KIT: variants seen among roughly 807,000 people sequenced by gnomAD.
The protein encoded by KIT is KIT proto-oncogene, receptor tyrosine kinase.
In KIT, 16 loss-of-function variants were observed where a neutral mutation model predicts 105.7. That is an observed-to-expected ratio of 0.15 (90% CI 0.10 to 0.23). KIT has a LOEUF of 0.23. Among genes scored for constraint, KIT ranks in the 10% least tolerant of loss-of-function variants. The probability of loss-of-function intolerance (pLI) is 1.00; values close to 1 mark genes in which losing one functional copy is unlikely to be tolerated. For synonymous variants in KIT, 438 were observed against 441.1 expected, an observed-to-expected ratio of 0.99 and a Z score of 0.09; for missense variants, 858 against 1,213.8, an observed-to-expected ratio of 0.71 and a Z score of 4.36.
intron 1 of KIT, among the ~76,000 whole-genome samples, chr4:54,687,111 CA>C (rs2109628486): frequency 6.6e-6 from 1 of 152,230 alleles, no homozygotes; most frequent in East Asian, 1.9e-4. Context: ...TTCTATATTA[CA>C]ATATGTAAAA....
chr4:54,678,374 C>T (rs1369850554), intron 1 of KIT, among the ~76,000 whole-genome samples: 5 of 140,902 alleles, frequency 3.5e-5, no homozygotes, highest in African/African-American at 1.1e-4. Context: ...CCCTCCCTCC[C>T]TCCCCCAATC....
At chr4:54,682,426 TC>T (rs1719005303) in intron 1 of KIT, among the ~76,000 whole-genome samples, 3 of 151,864 alleles carry the variant, frequency 2.0e-5, no homozygotes, top group Non-Finnish European at 4.4e-5. Flanking sequence ...GATTTCTTTG[TC>T]TTTTTTTTCT....
At chr4:54,696,578 G>A (rs1429077503) in intron 2 of KIT, among the ~76,000 whole-genome samples, 1 of 152,214 alleles carries the variant, frequency 6.6e-6, no homozygotes, top group Non-Finnish European at 1.5e-5. Context: ...ATGGTATTGT[G>A]AATGAATAAT....
At chr4:54,707,378 G>A (rs1295951921) in intron 6 of KIT, 91 bp downstream of exon 6, 17 of 912,988 alleles carry the variant, frequency 1.9e-5, no homozygotes, top group East Asian at 5.1e-5. Context: ...GTAAATCCAC[G>A]AGAAGATACC....
intron 7 of KIT, among the ~76,000 whole-genome samples, chr4:54,712,083 T>C (rs1295097080): frequency 6.6e-6 from 1 of 152,196 alleles, no homozygotes; most frequent in East Asian, 1.9e-4. Context: ...ATATTGTTCA[T>C]ACAGAATTTT....
At chr4:54,717,357 T>C (rs1360708435) in intron 7 of KIT, among the ~76,000 whole-genome samples, 2 of 152,170 alleles carry the variant, frequency 1.3e-5, no homozygotes, top group Admixed American at 1.3e-4. Flanking sequence ...GTCTGGTGGA[T>C]GTGTTGCTAA....
At chr4:54,690,227 A>C (rs926415314) in intron 1 of KIT, among the ~76,000 whole-genome samples, 3 of 152,054 alleles carry the variant, frequency 2.0e-5, no homozygotes, top group Non-Finnish European at 4.4e-5. Context: ...TATGGGTTTG[A>C]GTTTCTGCTT....
chr4:54,684,176 T>G (rs1719145300), intron 1 of KIT, among the ~76,000 whole-genome samples: 3 of 98,760 alleles, frequency 3.0e-5, no homozygotes, highest in East Asian at 6.8e-4. Context: ...GGTGTGTGGG[T>G]GGGGTGGGGT....
chr4:54,681,932 G>C lies in KIT; in HGVS notation c.68-13580G>C, dbSNP rs1008031625. Among the ~76,000 whole-genome samples the C allele has an allele frequency of 2.0e-5, 3 of 151,864 alleles. No homozygotes were observed. The East Asian group carries it at 5.8e-4, about 30-fold the overall frequency. Reference sequence around the variant, plus strand: ...GCGGAGGTTGCAGTGAGCCGAGATCGTGCCACTTCATTCCAGCCTGGGAAA... The same window carrying C: ...GCGGAGGTTGCAGTGAGCCGAGATCCTGCCACTTCATTCCAGCCTGGGAAA... On this transcript the variant is annotated intron_variant, in intron 1 of 20. Transcript: ENST00000288135.
rs17240054 is a variant in KIT, at chr4:54,707,527, G to A, written c.1115+240G>A. Among the ~76,000 whole-genome samples the A allele has an allele frequency of 0.38, 58,068 of 152,054 alleles. 12,717 individuals are homozygous for A. Among genetic ancestry groups the A allele is most frequent in the Non-Finnish European group, 0.5 (33,749 of 67,954 alleles). On this transcript the variant is annotated intron_variant, in intron 6 of 20. Transcript: ENST00000288135. ...GCCTCAGTTTTCTCACTTGTAAAAT[G>A]GAGGACAGTTTTCTAGAGATCTGAG...
At chr4:54,735,711 C>G (rs546148703) in intron 17 of KIT, among the ~76,000 whole-genome samples, 6 of 152,294 alleles carry the variant, frequency 3.9e-5, no homozygotes, top group African/African-American at 1.4e-4. Flanking sequence ...GAAGAAGATA[C>G]TGAGGCTTAA....
At position 54,720,117 on chromosome 4, in the gene KIT, G is replaced by C. The variant is rs569910506; in HGVS notation, c.1232-3467G>C. Among the ~76,000 whole-genome samples, 86 of 152,116 alleles carry C rather than the reference G, an allele frequency of 5.7e-4. 1 individual carries two copies. The Middle Eastern group carries it at 0.014, about 24-fold the overall frequency. ...TTACTCTTGTCCTGGCTTTGATAAG[G>C]GTTCCTTAAAGGCCCTTTAAAAAGG... is the stretch of plus-strand genomic sequence containing the variant. On this transcript the variant is annotated intron_variant, in intron 7 of 20. Transcript: ENST00000288135.
At chr4:54,735,436 ATTTAGC>A (rs1722877483) in intron 17 of KIT, among the ~76,000 whole-genome samples, 1 of 150,990 alleles carries the variant, frequency 6.6e-6, no homozygotes, top group African/African-American at 2.4e-5. Context: ...AGAAGGATTG[ATTTAGC>A]TTTTTATGGC....
At position 54,680,957 on chromosome 4, in the gene KIT, C is replaced by T. The variant is rs191478074; in HGVS notation, c.68-14555C>T. On this transcript the variant is annotated intron_variant, in intron 1 of 20. Coordinates refer to ENST00000288135, the MANE Select transcript of KIT (RefSeq NM_000222.3). Reference sequence around the variant, plus strand: ...GAGTGTGCAGCCAGGAGGATCTGCTCGGAGGTGAGACTGCACCAGGGCTCC... The same window carrying T: ...GAGTGTGCAGCCAGGAGGATCTGCTTGGAGGTGAGACTGCACCAGGGCTCC... Among the ~76,000 whole-genome samples the T allele has an allele frequency of 2.0e-5, 3 of 152,124 alleles. No homozygotes were observed. The East Asian group carries it at 5.8e-4, about 29-fold the overall frequency.
intron 7 of KIT, among the ~76,000 whole-genome samples, chr4:54,722,863 ATG>A (rs1560413821): frequency 6.9e-5 from 7 of 102,062 alleles, no homozygotes; most frequent in African/African-American, 4.1e-4. Flanking sequence ...TTTTATATAT[ATG>A]TATATATATT....
chr4:54,723,863 T>G (rs1056746685), intron 8 of KIT, among the ~76,000 whole-genome samples, 165 bp downstream of exon 8: 3 of 152,260 alleles, frequency 2.0e-5, no homozygotes, highest in African/African-American at 7.2e-5. Context: ...TATATTTTTC[T>G]TGGTAGACAT....
chr4:54,728,388 C>A (rs187288350), intron 13 of KIT, among the ~76,000 whole-genome samples: 1 of 152,236 alleles, frequency 6.6e-6, no homozygotes, highest in Admixed American at 6.5e-5. Flanking sequence ...AATATCTCAT[C>A]CCGACCAGAA....
chr4:54,731,317 A>C lies in KIT; in HGVS notation c.2142-11A>C. Reference sequence around the variant, plus strand: ...ACTTGATTCAGTCATGACTTGTTTCATCTCTCCCAGCAGCGATAGTACTAA... The same window carrying C: ...ACTTGATTCAGTCATGACTTGTTTCCTCTCTCCCAGCAGCGATAGTACTAA... On this transcript the variant is annotated splice_polypyrimidine_tract_variant and intron_variant, in intron 14 of 20. Transcript: ENST00000288135. 1 of 1,602,822 alleles carries C rather than the reference A, an allele frequency of 6.2e-7. No individual in the cohort carries two copies. Among genetic ancestry groups the C allele is most frequent in the Non-Finnish European group, 8.5e-7 (1 of 1,169,906 alleles).
chr4:54,721,198 G>A lies in KIT; in HGVS notation c.1232-2386G>A, dbSNP rs187906568. Among the ~76,000 whole-genome samples, 87 of 152,290 alleles carry A rather than the reference G, an allele frequency of 5.7e-4. 1 individual carries two copies. In the East Asian group the frequency reaches 9.5e-3, roughly 17 times the overall value. On this transcript the variant is annotated intron_variant, in intron 7 of 20. Coordinates refer to ENST00000288135, the MANE Select transcript of KIT (RefSeq NM_000222.3). The stretch of plus-strand genomic sequence containing the variant: ...GCAGACCAAGATCTTGCATACCAGC[G>A]TCAGGTGTTCTTAAATGCTTTGGGA...
Sources: allele counts gnomAD v4.1 joint callset (sites outside exome capture counted in the v4.1 genomes callset), GRCh38; gene constraint gnomAD v4.1.1; transcripts MANE v1.5; gene names NCBI Gene and HGNC (gene_info 2026-07-23, HGNC 2026-07-21).